COLEC12: variants seen among roughly 807,000 people sequenced by gnomAD.
The protein encoded by COLEC12 is collectin subfamily member 12, also known as collectin-12.
Under a neutral mutation model 71.1 loss-of-function variants are expected in COLEC12, and 33 were observed. The ratio of observed to expected loss-of-function variants is 0.46; its 90% CI spans 0.35 to 0.62. The LOEUF (loss-of-function observed/expected upper bound fraction) is 0.62, where lower values mean the gene tolerates loss of function less well. Ranked by LOEUF, COLEC12 falls within the 20% of genes least tolerant of loss-of-function variation. The probability of loss-of-function intolerance (pLI) is 0.00; values close to 1 mark genes in which losing one functional copy is unlikely to be tolerated. For missense variants in COLEC12, 765 were observed against 916.1 expected, an observed-to-expected ratio of 0.84 and a Z score of 2.13; for synonymous variants, 350 against 353.0, an observed-to-expected ratio of 0.99 and a Z score of 0.10.
At chr18:453,534 T>C (rs1490824569) in intron 2 of COLEC12, among the ~76,000 whole-genome samples, 5 of 152,130 alleles carry the variant, frequency 3.3e-5, no homozygotes, top group Non-Finnish European at 5.9e-5. Context: ...TTTGGATTTG[T>C]CAGCGCTAAA....
chr18:434,824 T>G (rs1349333523), intron 2 of COLEC12, among the ~76,000 whole-genome samples: 1 of 152,146 alleles, frequency 6.6e-6, no homozygotes, highest in Non-Finnish European at 1.5e-5. Flanking sequence ...TTATTCCCAA[T>G]GCACCCCTCT....
rs139719307 is a variant in COLEC12, at chr18:322,011, T to G, written c.2064-204A>C. 2.0e-5 allele frequency among the ~76,000 whole-genome samples: 3 copies of G among 152,354 alleles called. No individual in the cohort carries two copies. The East Asian group carries it at 5.8e-4, about 29-fold the overall frequency. On this transcript the variant is annotated intron_variant, in intron 8 of 9. Transcript: ENST00000400256. ...AGTAATGCATAATGCGGCATCTCCC[T>G]GCGCGCTTGTGATCTTTGCTACCAT... is the stretch of plus-strand genomic sequence containing the variant.
intron 8 of COLEC12, among the ~76,000 whole-genome samples, chr18:324,737 G>A (rs192127775): frequency 4.8e-4 from 73 of 152,236 alleles, no homozygotes; most frequent in African/African-American, 1.6e-3. Flanking sequence ...TCTGAGGCAC[G>A]AGAATCGCTT....
intron 2 of COLEC12, among the ~76,000 whole-genome samples, chr18:476,665 C>T (rs1917311721): frequency 1.3e-5 from 2 of 152,218 alleles, no homozygotes; most frequent in African/African-American, 4.8e-5. Context: ...CTCTCTTTCC[C>T]TTTCTGCTAA....
intron 8 of COLEC12, among the ~76,000 whole-genome samples, chr18:325,627 C>CT (rs760407917): frequency 0.047 from 2,420 of 51,720 alleles, 506 homozygotes; most frequent in African/African-American, 0.066. Context: ...AAGGATCAGC[C>CT]TTTTTTTTTT....
intron 2 of COLEC12, among the ~76,000 whole-genome samples, chr18:446,899 A>T (rs1472914521): frequency 1.3e-5 from 2 of 152,262 alleles, no homozygotes; most frequent in Non-Finnish European, 2.9e-5. Flanking sequence ...ACATAAATAC[A>T]TCAACAGGCT....
intron 1 of COLEC12, among the ~76,000 whole-genome samples, chr18:497,993 T>A (rs1289861848): frequency 6.6e-6 from 1 of 152,188 alleles, no homozygotes; most frequent in Non-Finnish European, 1.5e-5. Flanking sequence ...TGTCTCAGAT[T>A]CACTTTTTTT....
intron 2 of COLEC12, among the ~76,000 whole-genome samples, chr18:453,768 TAATA>T (rs1202058537): frequency 6.6e-6 from 1 of 152,170 alleles, no homozygotes; most frequent in Non-Finnish European, 1.5e-5. Context: ...AAACTTGACA[TAATA>T]AAGACAAAAT....
intron 2 of COLEC12, among the ~76,000 whole-genome samples, chr18:476,639 A>G (rs1313229735): frequency 1.3e-5 from 2 of 152,238 alleles, no homozygotes; most frequent in Non-Finnish European, 1.5e-5. Context: ...GGCCCAGGCC[A>G]TGCAGGTGGT....
intron 3 of COLEC12, among the ~76,000 whole-genome samples, chr18:352,723 T>TA (rs1914551058): frequency 6.6e-6 from 1 of 152,204 alleles, no homozygotes; most frequent in Non-Finnish European, 1.5e-5. Context: ...ATCCAGAACT[T>TA]ACCCTTGCTG....
intron 5 of COLEC12, among the ~76,000 whole-genome samples, chr18:339,105 T>C (rs2143451054): frequency 6.6e-6 from 1 of 152,018 alleles, no homozygotes; most frequent in African/African-American, 2.4e-5. Context: ...GAGGGACTGA[T>C]CACAGGCTTG....
Position 316,810 on chromosome 18 carries a change from A to G in COLEC12, c.*3235T>C, listed in dbSNP as rs1465425090. 6.6e-6 allele frequency: 1 copy of G among 152,094 alleles called. No individual in the cohort carries two copies. The highest frequency in any genetic ancestry group is 6.6e-5 in the Admixed American group (1 of 15,260). The allele number at this position is 152,094 out of a possible 1,614,324, so 9.4% of individuals were successfully genotyped here. ...CATTCTTTCAAAAGCTGTTTAGAGG[A>G]AAAAACATTTTCTATCTTCTCATAG... On this transcript the variant is annotated 3_prime_UTR_variant, in exon 10 of 10. Transcript: ENST00000400256.
intron 2 of COLEC12, among the ~76,000 whole-genome samples, chr18:472,499 T>C (rs1045340646): frequency 4.0e-5 from 6 of 151,836 alleles, no homozygotes; most frequent in Non-Finnish European, 8.8e-5. Context: ...GGAAACATAA[T>C]GAGACCCCCA....
At chr18:463,588 C>T (rs1044597009) in intron 2 of COLEC12, among the ~76,000 whole-genome samples, 5 of 152,096 alleles carry the variant, frequency 3.3e-5, no homozygotes, top group African/African-American at 1.2e-4. Context: ...AGCGGGGGCT[C>T]GGCTCTGTTC....
chr18:429,819 G>A (rs1394665970), intron 2 of COLEC12, among the ~76,000 whole-genome samples: 6 of 152,136 alleles, frequency 3.9e-5, no homozygotes, highest in African/African-American at 1.2e-4. Flanking sequence ...CCCTATGATC[G>A]TAAAGATTCC....
At chr18:439,138 T>C (rs114876263) in intron 2 of COLEC12, among the ~76,000 whole-genome samples, 2,689 of 152,280 alleles carry the variant, frequency 0.018, 45 homozygotes, top group Non-Finnish European at 0.022. Flanking sequence ...CTCTGAGAAA[T>C]CAACTTCATC....
At chr18:418,673 C>G (rs1238629913) in intron 2 of COLEC12, among the ~76,000 whole-genome samples, 1 of 152,218 alleles carries the variant, frequency 6.6e-6, no homozygotes, top group African/African-American at 2.4e-5. Flanking sequence ...TCTGGTCGTC[C>G]TGACTGCTAC....
intron 2 of COLEC12, among the ~76,000 whole-genome samples, chr18:430,218 C>A (rs888172371): frequency 4.0e-5 from 6 of 151,892 alleles, no homozygotes; most frequent in Non-Finnish European, 8.8e-5. Context: ...CCTGTAGTCC[C>A]AGCTACTCGG....
At chr18:368,324 A>G (rs1313421260) in intron 2 of COLEC12, among the ~76,000 whole-genome samples, 1 of 152,222 alleles carries the variant, frequency 6.6e-6, no homozygotes, top group Non-Finnish European at 1.5e-5. Flanking sequence ...TGTAATCCCA[A>G]CATTTTGGGA....
Sources: gnomAD v4.1 joint callset for allele counts (sites outside exome capture counted in the v4.1 genomes callset) on GRCh38, gnomAD v4.1.1 for gene constraint, MANE v1.5 for transcripts, NCBI Gene and HGNC (gene_info 2026-07-23, HGNC 2026-07-21) for gene names.